GRM3: variants seen among roughly 807,000 people sequenced by gnomAD.
GRM3 encodes metabotropic glutamate receptor 3.
Under a neutral mutation model 70.5 loss-of-function variants are expected in GRM3, and 26 were observed. That is an observed-to-expected ratio of 0.37 (90% CI 0.27 to 0.51). The LOEUF is 0.51. Among genes scored for constraint, GRM3 ranks in the 20% least tolerant of loss-of-function variants. GRM3 has a pLI of 0.93. For synonymous variants in GRM3, 443 were observed against 434.9 expected, an observed-to-expected ratio of 1.02 and a Z score of -0.23; for missense variants, 859 against 1,123.8, an observed-to-expected ratio of 0.76 and a Z score of 3.37.
chr7:86,714,063 G>A (rs1019988436), intron 1 of GRM3, among the ~76,000 whole-genome samples: 1 of 151,926 alleles, frequency 6.6e-6, no homozygotes, highest in African/African-American at 2.4e-5. Flanking sequence ...TCACACAAGA[G>A]TCAAGGGCAC....
At chr7:86,802,848 A>G (rs1286639773) in intron 3 of GRM3, among the ~76,000 whole-genome samples, 1 of 152,116 alleles carries the variant, frequency 6.6e-6, no homozygotes, top group Non-Finnish European at 1.5e-5. Flanking sequence ...AATTCATGTT[A>G]TTAAGGGGTG....
intron 3 of GRM3, among the ~76,000 whole-genome samples, chr7:86,826,853 C>T (rs1421367130): frequency 6.6e-6 from 1 of 152,170 alleles, no homozygotes; most frequent in African/African-American, 2.4e-5. Context: ...CTGCAATTCC[C>T]CCGCCCCCTT....
At chr7:86,761,710 T>C (rs138373710) in intron 1 of GRM3, among the ~76,000 whole-genome samples, 26 of 152,254 alleles carry the variant, frequency 1.7e-4, no homozygotes, top group Admixed American at 1.4e-3. Flanking sequence ...TAGACACTGT[T>C]GCCTTCTTTA....
chr7:86,782,034 T>A (rs979306003), intron 2 of GRM3, among the ~76,000 whole-genome samples: 1 of 152,330 alleles, frequency 6.6e-6, no homozygotes, highest in South Asian at 2.1e-4. Context: ...ATTAAACCCA[T>A]GCTGATTCCT....
At chr7:86,811,539 A>T (rs1375664592) in intron 3 of GRM3, among the ~76,000 whole-genome samples, 1 of 151,864 alleles carries the variant, frequency 6.6e-6, no homozygotes, top group East Asian at 1.9e-4. Flanking sequence ...CCCACCATCA[A>T]TGACAAATAT....
chr7:86,683,882 G>A (rs979222666), intron 1 of GRM3, among the ~76,000 whole-genome samples: 7 of 152,064 alleles, frequency 4.6e-5, no homozygotes, highest in Non-Finnish European at 8.8e-5. Flanking sequence ...CATGATCATG[G>A]TGTACAGTTT....
intron 1 of GRM3, among the ~76,000 whole-genome samples, chr7:86,655,581 G>A (rs1326215214): frequency 3.4e-5 from 5 of 148,436 alleles, no homozygotes; most frequent in African/African-American, 7.5e-5. Flanking sequence ...TTGAAACTTT[G>A]AGCGCTAAAG....
chr7:86,672,504 A>G (rs1358667474), intron 1 of GRM3, among the ~76,000 whole-genome samples: 2 of 152,156 alleles, frequency 1.3e-5, no homozygotes, highest in African/African-American at 4.8e-5. Flanking sequence ...TCTTTGCAAT[A>G]AGGGCATCTA....
At chr7:86,853,172 T>C in intron 5 of GRM3, among the ~76,000 whole-genome samples, 1 of 152,150 alleles carries the variant, frequency 6.6e-6, no homozygotes, top group East Asian at 1.9e-4. Flanking sequence ...TGGCCAGTGC[T>C]TTTTAAAAGA....
chr7:86,684,657 G>A (rs892318991), intron 1 of GRM3, among the ~76,000 whole-genome samples: 15 of 152,274 alleles, frequency 9.9e-5, no homozygotes, highest in African/African-American at 3.6e-4. Context: ...ATATTGTAAA[G>A]TGAACTTAGC....
chr7:86,649,665 A>G (rs536432503), intron 1 of GRM3, among the ~76,000 whole-genome samples: 3 of 152,250 alleles, frequency 2.0e-5, no homozygotes, highest in African/African-American at 7.2e-5. Context: ...AATCAAAACC[A>G]TGATGCTAGA....
At chr7:86,837,124 T>C (rs1274532787) in intron 3 of GRM3, among the ~76,000 whole-genome samples, 1 of 152,200 alleles carries the variant, frequency 6.6e-6, no homozygotes, top group Non-Finnish European at 1.5e-5. Context: ...GAATAATAAA[T>C]TGGGCATATA....
chr7:86,668,139 CTTCA>C (rs1794077065), intron 1 of GRM3, among the ~76,000 whole-genome samples: 2 of 152,180 alleles, frequency 1.3e-5, no homozygotes, highest in South Asian at 2.1e-4. Context: ...TTTTGTGTAT[CTTCA>C]TTATTTCAAT....
intron 2 of GRM3, chr7:86,775,910 C>T (rs1796874406): frequency 6.6e-6 from 1 of 152,040 alleles, no homozygotes; most frequent in Admixed American, 6.6e-5. Context: ...TTGCTCTTCA[C>T]CTGTGTTTTT....
chr7:86,650,097 A>G (rs1793569446), intron 1 of GRM3, among the ~76,000 whole-genome samples: 1 of 152,156 alleles, frequency 6.6e-6, no homozygotes, highest in Non-Finnish European at 1.5e-5. Context: ...AAAACTAATA[A>G]TAAGTCAAAA....
At chr7:86,852,892 TAC>T (rs1440684806) in intron 5 of GRM3, among the ~76,000 whole-genome samples, 2 of 152,180 alleles carry the variant, frequency 1.3e-5, no homozygotes, top group African/African-American at 4.8e-5. Context: ...CTCAAGGATA[TAC>T]AGTGATACAA....
chr7:86,823,853 C>T (rs1480786405), intron 3 of GRM3, among the ~76,000 whole-genome samples: 2 of 152,070 alleles, frequency 1.3e-5, no homozygotes, highest in African/African-American at 4.8e-5. Flanking sequence ...TTTGGTTTCC[C>T]ACAATCTGTG....
chr7:86,676,069 C>CA (rs143147581), intron 1 of GRM3, among the ~76,000 whole-genome samples: 5,188 of 149,880 alleles, frequency 0.035, 284 homozygotes, highest in African/African-American at 0.12. Flanking sequence ...GGGGAACAAA[C>CA]AAAAAAAAAC....
intron 3 of GRM3, chr7:86,832,935 G>T (rs2116719507): frequency 1.3e-6 from 1 of 790,618 alleles, no homozygotes; most frequent in East Asian, 1.3e-4. Context: ...GTGATGAGGA[G>T]CTTGAAATTA....
Sources: allele counts gnomAD v4.1 joint callset (sites outside exome capture counted in the v4.1 genomes callset), GRCh38; gene constraint gnomAD v4.1.1; transcripts MANE v1.5; gene names NCBI Gene and HGNC (gene_info 2026-07-23, HGNC 2026-07-21).